The following HTR7 variants were observed in gnomAD, a reference collection of about 807,000 sequenced individuals.
HTR7 encodes the protein 5-hydroxytryptamine receptor 7.
Under a neutral mutation model 34.0 loss-of-function variants are expected in HTR7, and 16 were observed. The ratio of observed to expected loss-of-function variants is 0.47; its 90% CI spans 0.32 to 0.71. The LOEUF is 0.71. Ranked by LOEUF, HTR7 falls within the 30% of genes least tolerant of loss-of-function variation. The pLI is 0.04. For synonymous variants in HTR7, 265 were observed against 260.2 expected (o/e 1.02, Z -0.18); for missense variants, 504 against 625.5 (o/e 0.81, Z 2.07).
chr10:90,804,074 G>C (rs1020284903), intron 1 of HTR7, among the ~76,000 whole-genome samples: 3 of 152,214 alleles, frequency 2.0e-5, no homozygotes, highest in African/African-American at 7.2e-5. Context: ...GTTGAGATGA[G>C]AAGGAGCAAC....
rs142906027 is a variant in HTR7 at position 90,772,536 on chromosome 10, C to T, written c.540-22942G>A. ...TTCCTTGTAGTCCCTTTTCACATGACGTATCTTTAAAATAAAGCAAAAATC... is the reference window on the plus strand; with the variant it reads ...TTCCTTGTAGTCCCTTTTCACATGATGTATCTTTAAAATAAAGCAAAAATC... On this transcript the variant is annotated intron_variant, in intron 1 of 3. Coordinates refer to ENST00000336152, the MANE Select transcript of HTR7 (RefSeq NM_019859.4). Among the ~76,000 whole-genome samples the T allele has an allele frequency of 9.3e-3, 1,417 of 152,200 alleles. 9 individuals are homozygous for T. The highest frequency in any genetic ancestry group is 0.013 in the Non-Finnish European group (859 of 68,002).
In HTR7 at chr10:90,742,471, T is replaced by C. The variant is rs1253201028; in HGVS notation, c.*11A>G. 1 of 1,598,692 alleles carries C rather than the reference T, an allele frequency of 6.3e-7. No individual in the cohort carries two copies. The highest frequency in any genetic ancestry group is 8.5e-7 in the Non-Finnish European group (1 of 1,172,092). On this transcript the variant is annotated 3_prime_UTR_variant, in exon 4 of 4. Transcript: ENST00000336152. ...TTTTGCCTTGTTTATTTCATCTCCA[T>C]TGTTCTGCTTTCAATCATGAATCAT... is the stretch of plus-strand genomic sequence containing the variant.
At chr10:90,839,860 A>C (rs1846301719) in intron 1 of HTR7, among the ~76,000 whole-genome samples, 1 of 152,172 alleles carries the variant, frequency 6.6e-6, no homozygotes, top group Non-Finnish European at 1.5e-5. Flanking sequence ...CTTTCAAGAA[A>C]GGTCCTATCA....
chr10:90,829,216 C>T (rs572167048), intron 1 of HTR7, among the ~76,000 whole-genome samples: 5 of 152,250 alleles, frequency 3.3e-5, no homozygotes, highest in Admixed American at 3.3e-4. Context: ...ATGATAAAAA[C>T]CCTCAAAAAA....
intron 1 of HTR7, among the ~76,000 whole-genome samples, chr10:90,779,351 T>C (rs1564679124): frequency 1.3e-5 from 2 of 152,170 alleles, no homozygotes; most frequent in South Asian, 2.1e-4. Flanking sequence ...AAACCTGATG[T>C]GATTGTGAGA....
intron 1 of HTR7, among the ~76,000 whole-genome samples, chr10:90,780,381 C>T (rs551549368): frequency 1.8e-4 from 27 of 151,908 alleles, no homozygotes; most frequent in African/African-American, 4.6e-4. Flanking sequence ...ACTAAAAATG[C>T]GTAAAATTAT....
intron 1 of HTR7, among the ~76,000 whole-genome samples, chr10:90,776,771 T>G (rs1049248036): frequency 6.6e-6 from 1 of 152,210 alleles, no homozygotes; most frequent in South Asian, 2.1e-4. Flanking sequence ...ATATATTAGG[T>G]AGATATCCAC....
chr10:90,797,533 G>A (rs898334850), intron 1 of HTR7, among the ~76,000 whole-genome samples: 1 of 152,196 alleles, frequency 6.6e-6, no homozygotes, highest in Non-Finnish European at 1.5e-5. Context: ...GTGGTAACTT[G>A]AAGGCCTCTT....
At chr10:90,815,187 G>A (rs1053230029) in intron 1 of HTR7, among the ~76,000 whole-genome samples, 2 of 151,896 alleles carry the variant, frequency 1.3e-5, no homozygotes, top group African/African-American at 2.4e-5. Flanking sequence ...TGCCTCTTAG[G>A]TTCAACCAAT....
At chr10:90,817,071 T>C (rs1845907975) in intron 1 of HTR7, among the ~76,000 whole-genome samples, 1 of 152,114 alleles carries the variant, frequency 6.6e-6, no homozygotes, top group South Asian at 2.1e-4. Context: ...CCATACCACC[T>C]CAGCAACAAC....
chr10:90,753,726 AGATAT>A (rs540563723), intron 1 of HTR7, among the ~76,000 whole-genome samples: 7 of 152,130 alleles, frequency 4.6e-5, no homozygotes, highest in Admixed American at 3.3e-4. Context: ...ATAGGAGATT[AGATAT>A]GATATATATA....
chr10:90,838,408 C>T (rs1436094458), intron 1 of HTR7, among the ~76,000 whole-genome samples: 1 of 152,190 alleles, frequency 6.6e-6, no homozygotes, highest in Non-Finnish European at 1.5e-5. Context: ...CTCCACTACT[C>T]CAACCCAGTC....
At chr10:90,766,684 TTG>T in intron 1 of HTR7, among the ~76,000 whole-genome samples, 1 of 152,224 alleles carries the variant, frequency 6.6e-6, no homozygotes. Context: ...TCTCTTTATC[TTG>T]TGTGTATCTA....
intron 1 of HTR7, among the ~76,000 whole-genome samples, chr10:90,754,443 G>T (rs2119693954): frequency 6.6e-6 from 1 of 152,140 alleles, no homozygotes; most frequent in Non-Finnish European, 1.5e-5. Flanking sequence ...CCTTAAGTAT[G>T]CATGTTTAAT....
intron 1 of HTR7, among the ~76,000 whole-genome samples, chr10:90,781,937 T>G (rs1029113064): frequency 6.6e-6 from 1 of 152,250 alleles, no homozygotes; most frequent in African/African-American, 2.4e-5. Context: ...TTCCTTGCTT[T>G]GGGCACTTTC....
chr10:90,852,445 G>A (rs1238666414), intron 1 of HTR7, among the ~76,000 whole-genome samples: 1 of 151,998 alleles, frequency 6.6e-6, no homozygotes, highest in African/African-American at 2.4e-5. Flanking sequence ...AAGGTGTGAG[G>A]GGATAGATAA....
At chr10:90,783,232 T>A (rs919500244) in intron 1 of HTR7, among the ~76,000 whole-genome samples, 4 of 152,298 alleles carry the variant, frequency 2.6e-5, no homozygotes, top group African/African-American at 9.6e-5. Flanking sequence ...CATGAGTGCC[T>A]GCTATAATTA....
intron 1 of HTR7, among the ~76,000 whole-genome samples, chr10:90,845,847 A>G (rs750317164): frequency 6.0e-4 from 91 of 152,090 alleles, no homozygotes; most frequent in Non-Finnish European, 1.8e-4. Context: ...TTCCCCCTGG[A>G]CCCTTCACTC....
chr10:90,840,177 T>TCTCTCTCACACA (rs1478516123), intron 1 of HTR7, among the ~76,000 whole-genome samples: 1 of 136,802 alleles, frequency 7.3e-6, no homozygotes, highest in South Asian at 2.5e-4. Context: ...TCTCTCTCTC[T>TCTCTCTCACACA]CACACACACA....
Sources: gnomAD v4.1 joint callset for allele counts (sites outside exome capture counted in the v4.1 genomes callset) on GRCh38, gnomAD v4.1.1 for gene constraint, MANE v1.5 for transcripts, NCBI Gene and HGNC (gene_info 2026-07-23, HGNC 2026-07-21) for gene names.